Variants in USP47 observed in about 807,000 individuals in gnomAD.
USP47 encodes ubiquitin carboxyl-terminal hydrolase 47.
A neutral mutation model predicts 165.1 loss-of-function variants in USP47; 35 were observed. That is an observed-to-expected ratio of 0.21 (90% CI 0.16 to 0.28). USP47 has a LOEUF of 0.28. Among genes scored for constraint, USP47 ranks in the 10% least tolerant of loss-of-function variants. USP47 has a pLI of 1.00. For missense variants in USP47, 1,277 were observed against 1,607.4 expected (o/e 0.79, Z 3.52); for synonymous variants, 531 against 544.5 (o/e 0.98, Z 0.35).
chr11:11,903,790 C>G (rs952556494), intron 7 of USP47, among the ~76,000 whole-genome samples: 7 of 152,004 alleles, frequency 4.6e-5, no homozygotes, highest in African/African-American at 1.7e-4. Flanking sequence ...ATTAATCTAA[C>G]CCGATTCTTA....
chr11:11,923,073 T>TAC (rs1554913103), intron 11 of USP47, among the ~76,000 whole-genome samples, 182 bp downstream of exon 11: 1 of 107,610 alleles, frequency 9.3e-6, no homozygotes, highest in African/African-American at 3.0e-5. Flanking sequence ...TATATATATA[T>TAC]ATATATATAT....
At chr11:11,874,495 C>T (rs1234111754) in intron 1 of USP47, among the ~76,000 whole-genome samples, 1 of 151,656 alleles carries the variant, frequency 6.6e-6, no homozygotes, top group Non-Finnish European at 1.5e-5. Flanking sequence ...TAAGTTAGGA[C>T]CTTCATTAAT....
rs923855434 is a variant in USP47, at chr11:11,849,965, T to G, written c.39+7741T>G. Among the ~76,000 whole-genome samples the G allele has an allele frequency of 7.9e-5, 12 of 152,364 alleles. No individual in the cohort carries two copies. In the South Asian group the frequency reaches 1.0e-3, roughly 13 times the overall value. On this transcript the variant is annotated intron_variant, in intron 1 of 27. Transcript: ENST00000527733. The stretch of plus-strand genomic sequence containing the variant: ...ATTGCTCTACTGTCTTCTATTTTTC[T>G]GTGTCGATGTTGAGATCAGATGCTT...
chr11:11,919,088 A>T (rs1379428589), intron 8 of USP47, among the ~76,000 whole-genome samples: 1 of 151,428 alleles, frequency 6.6e-6, no homozygotes, highest in Non-Finnish European at 1.5e-5. Context: ...AAAATAGGGG[A>T]TCAGATGGGT....
intron 23 of USP47, 86 bp downstream of exon 23, chr11:11,950,090 A>G (rs969377313): frequency 1.9e-5 from 19 of 1,015,736 alleles, no homozygotes; most frequent in Admixed American, 2.7e-5. Context: ...TAAAACTAGG[A>G]GAATTAAAAT....
intron 3 of USP47, among the ~76,000 whole-genome samples, chr11:11,887,412 AAGC>A (rs1203148666): frequency 6.6e-6 from 1 of 152,180 alleles, no homozygotes; most frequent in Non-Finnish European, 1.5e-5. Context: ...AAACAGAAAA[AAGC>A]AGGAGTCGCA....
intron 12 of USP47, 112 bp from the exon 13 acceptor site, chr11:11,929,932 C>A: frequency 1.2e-6 from 1 of 859,352 alleles, no homozygotes; most frequent in Non-Finnish European, 1.8e-6. Flanking sequence ...TGTGAGCAAT[C>A]ATGAAGGTCT....
In USP47 at chr11:11,960,273, C is replaced by T. The variant is rs1258803756; in HGVS notation, c.*4098C>T. Among the ~76,000 whole-genome samples the T allele has an allele frequency of 6.6e-6, 1 of 152,014 alleles. No individual in the cohort carries two copies. Among genetic ancestry groups the T allele is most frequent in the African/African-American group, 2.4e-5 (1 of 41,398 alleles). On this transcript the variant is annotated 3_prime_UTR_variant, in exon 28 of 28. Transcript: ENST00000527733. ...AGAGCGGGGGGAAGACATGTGCTAA[C>T]CACTTCTTAGCAATGAGGCTGGTAA...
chr11:11,935,496 GAAAT>G lies in USP47; in HGVS notation c.1870-804_1870-801del, dbSNP rs1854992348. Among the ~76,000 whole-genome samples, 4 of 151,872 alleles carry G rather than the reference GAAAT, an allele frequency of 2.6e-5. No individual in the cohort carries two copies. The South Asian group carries it at 8.3e-4, about 32-fold the overall frequency. On this transcript the variant is annotated intron_variant, in intron 16 of 27. Coordinates refer to ENST00000527733, the MANE Select transcript of USP47 (RefSeq NM_001282659.2). ...AAAAGAAACAAACAAACAGAAAAGA[GAAAT>G]AAGTCAATCTTATATGCCAAAAATA...
rs1300802562 is a variant in USP47 at position 11,892,380 on chromosome 11, C to CTTTTTTTTTTTTTTT, written c.496+279_496+293dup. Among the ~76,000 whole-genome samples, 3 of 121,146 alleles carry CTTTTTTTTTTTTTTT rather than the reference C, an allele frequency of 2.5e-5. 1 individual carries two copies. The highest frequency in any genetic ancestry group is 5.1e-5 in the Non-Finnish European group (3 of 59,346). 79.5% of individuals were successfully genotyped at this position (121,146 alleles called of 152,430 possible). ...AGACTTTTCTTTTCTTTTTAATTTTCTTTTTTTTTTTTTTTTTTTGAGACA... is the reference window on the plus strand; with the variant it reads ...AGACTTTTCTTTTCTTTTTAATTTTCTTTTTTTTTTTTTTTTTTTTTTTTTTTTTTTTTTGAGACA... On this transcript the variant is annotated intron_variant, in intron 4 of 27. Transcript: ENST00000527733.
At chr11:11,862,088 G>C (rs1290209759) in intron 1 of USP47, among the ~76,000 whole-genome samples, 1 of 150,494 alleles carries the variant, frequency 6.6e-6, no homozygotes, top group South Asian at 2.1e-4. Flanking sequence ...TTAAAGCAGA[G>C]CATGATTATC....
At position 11,949,032 on chromosome 11, in the gene USP47, T is replaced by TA. The variant is rs371126491; in HGVS notation, c.3348+475dup. ...TTTATATAGTGTCTACTGTGTGCTT[T>TA]AGGTGCTTGCAAATATTAACTCATT... is the stretch of plus-strand genomic sequence containing the variant. On this transcript the variant is annotated intron_variant, in intron 22 of 27. Coordinates refer to ENST00000527733, the MANE Select transcript of USP47 (RefSeq NM_001282659.2). 648 of 153,154 alleles carry TA rather than the reference T, an allele frequency of 4.2e-3. 3 individuals are homozygous for TA. Among genetic ancestry groups the TA allele is most frequent in the Middle Eastern group, 6.8e-3 (2 of 294 alleles). The allele number at this position is 153,154 out of a possible 1,614,324, so 9.5% of individuals were successfully genotyped here. A position where few individuals can be genotyped will look rare whatever the true frequency, so the allele number is the denominator to read the frequency against.
chr11:11,930,605 A>T (rs904245202), intron 13 of USP47, 91 bp from the exon 14 acceptor site: 7 of 1,008,748 alleles, frequency 6.9e-6, no homozygotes, highest in East Asian at 5.2e-5. Context: ...ATTGTTTTTT[A>T]AAAAATCACA....
chr11:11,933,809 G>A (rs1386408646), intron 15 of USP47, 22 bp from the exon 16 acceptor site: 1 of 1,529,200 alleles, frequency 6.5e-7, no homozygotes, highest in East Asian at 2.3e-5. Flanking sequence ...CAGAGTTGAT[G>A]ATGATATTTT....
chr11:11,924,512 G>A (rs1854094837), intron 11 of USP47, among the ~76,000 whole-genome samples: 1 of 152,264 alleles, frequency 6.6e-6, no homozygotes, highest in South Asian at 2.1e-4. Context: ...TTTATTTTTG[G>A]AAGAGATTGT....
intron 8 of USP47, among the ~76,000 whole-genome samples, chr11:11,917,286 G>A (rs1437360456): frequency 6.6e-6 from 1 of 152,114 alleles, no homozygotes; most frequent in Non-Finnish European, 1.5e-5. Flanking sequence ...TCTTAATTAT[G>A]ACAGCTATAA....
intron 24 of USP47, 138 bp downstream of exon 24, chr11:11,950,620 G>A (rs1299387877): frequency 1.3e-5 from 8 of 627,792 alleles, no homozygotes; most frequent in Middle Eastern, 4.6e-4. Flanking sequence ...TAAGCATAAC[G>A]ATATCCTTAT....
chr11:11,938,329 A>G lies in USP47; in HGVS notation c.2150A>G (p.Tyr717Cys), dbSNP rs547259515. Residue 717 changes from tyrosine (Y) to cysteine (C), a missense_variant, in exon 18 of 28, where the codon TAC becomes TGC. Transcript: ENST00000527733. ...GCTGCTCCTATAACTGTTCGTGCTTACTTAAATCAGACAGTTACAGAATTC... is the reference window on the plus strand; with the variant it reads ...GCTGCTCCTATAACTGTTCGTGCTTGCTTAAATCAGACAGTTACAGAATTC... ...SVAAPITVRA[Y>C]LNQTVTEFKQ... The G allele has an allele frequency of 5.0e-5, 81 of 1,612,184 alleles. 1 individual carries two copies. The South Asian group carries it at 8.4e-4, about 17-fold the overall frequency.
In USP47 at chr11:11,842,351, G is replaced by T. The variant is rs563558641; in HGVS notation, c.39+127G>T. On this transcript the variant is annotated intron_variant, in intron 1 of 27. Coordinates refer to ENST00000527733, the MANE Select transcript of USP47 (RefSeq NM_001282659.2). ...CGGCTGTGGGGGAATGAGGAGGCGT[G>T]AGGCAGTCGGGGGTGGACGGTGGGT... 8.1e-4 allele frequency: 896 copies of T among 1,109,846 alleles called. 2 individuals are homozygous for T. Among genetic ancestry groups the T allele is most frequent in the South Asian group, 2.6e-3 (162 of 62,064 alleles). The allele number at this position is 1,109,846 out of a possible 1,614,324, so 68.7% of individuals were successfully genotyped here. A position where few individuals can be genotyped will look rare whatever the true frequency, so the allele number is the denominator to read the frequency against.
Sources: gnomAD v4.1 joint callset for allele counts (sites outside exome capture counted in the v4.1 genomes callset) on GRCh38, gnomAD v4.1.1 for gene constraint, MANE v1.5 for transcripts, NCBI Gene and HGNC (gene_info 2026-07-23, HGNC 2026-07-21) for gene names.